The following MTSS1 variants were observed in gnomAD, a reference collection of about 807,000 sequenced individuals.
The protein encoded by MTSS1 is protein MTSS 1.
In MTSS1, 18 loss-of-function variants were observed where a neutral mutation model predicts 79.0. That is an observed-to-expected ratio of 0.23 (90% confidence interval 0.16 to 0.34). The LOEUF (loss-of-function observed/expected upper bound fraction) is 0.34, where lower values mean the gene tolerates loss of function less well. Ranked by LOEUF, MTSS1 falls within the 10% of genes least tolerant of loss-of-function variation. The pLI, the probability that MTSS1 is intolerant of heterozygous loss-of-function variation, is 1.00. For synonymous variants in MTSS1, 341 were observed against 368.6 expected, an observed-to-expected ratio of 0.93 and a Z score of 0.86; for missense variants, 815 against 986.2, an observed-to-expected ratio of 0.83 and a Z score of 2.33.
In MTSS1 at chr8:124,555,718, TGCACACCCCAG is replaced by T; in HGVS notation, c.1567+13_1567+23del. The T allele has an allele frequency of 6.3e-7, 1 of 1,576,644 alleles. No individual in the cohort carries two copies. Among genetic ancestry groups the T allele is most frequent in the Non-Finnish European group, 8.6e-7 (1 of 1,161,452 alleles). On this transcript the variant is annotated intron_variant, in intron 13 of 13. Coordinates refer to ENST00000518547, the MANE Select transcript of MTSS1 (RefSeq NM_014751.6). The stretch of plus-strand genomic sequence containing the variant: ...CCTGGTGCTGCTCAGAAAGCCTAAG[TGCACACCCCAG>T]GCTGCCTCGTACCTTGGGAAGGGAT...
chr8:124,699,501 T>G, intron 3 of MTSS1, 25 bp downstream of exon 3: 1 of 1,611,590 alleles, frequency 6.2e-7, no homozygotes, highest in Non-Finnish European at 8.5e-7. Context: ...CAGTTAACAC[T>G]GGGAGTCAGC....
intron 6 of MTSS1, among the ~76,000 whole-genome samples, chr8:124,574,786 T>C (rs1203680609): frequency 1.3e-5 from 2 of 152,206 alleles, no homozygotes; most frequent in African/African-American, 2.4e-5. Context: ...CCAAGTCCTT[T>C]CTTTCTTCGG....
At chr8:124,721,450 G>T (rs1346293288) in intron 1 of MTSS1, among the ~76,000 whole-genome samples, 1 of 121,892 alleles carries the variant, frequency 8.2e-6, no homozygotes. Flanking sequence ...TCATTCTGTC[G>T]CCAGGCTGGA....
Position 124,626,803 on chromosome 8 carries a change from A to C in MTSS1, c.209-35568T>G, listed in dbSNP as rs116045538. 2.6e-5 allele frequency among the ~76,000 whole-genome samples: 4 copies of C among 152,256 alleles called. No individual in the cohort carries two copies. The South Asian group carries it at 8.3e-4, about 32-fold the overall frequency. ...GGTTTCTTCCTAGGGGCATCACACC[A>C]GCCTCTACTGCAACAGACAAAAGGA... On this transcript the variant is annotated intron_variant, in intron 3 of 13. Coordinates refer to ENST00000518547, the MANE Select transcript of MTSS1 (RefSeq NM_014751.6).
intron 3 of MTSS1, among the ~76,000 whole-genome samples, chr8:124,670,590 A>G (rs1823972139): frequency 6.6e-6 from 1 of 152,270 alleles, no homozygotes; most frequent in Admixed American, 6.5e-5. Flanking sequence ...CATTTCAGCA[A>G]CATGACTAAA....
At chr8:124,624,722 C>G (rs1156652827) in intron 3 of MTSS1, among the ~76,000 whole-genome samples, 1 of 152,226 alleles carries the variant, frequency 6.6e-6, no homozygotes, top group African/African-American at 2.4e-5. Flanking sequence ...AAATAAATGT[C>G]TGTTCAGATG....
In MTSS1 at chr8:124,569,778, G is replaced by T. The variant is rs928623449; in HGVS notation, c.461-1242C>A. Reference sequence around the variant, plus strand: ...GAGCTGGAAGGGGTTATCCAATTGGGCCAATCTGCTCATGTTTCAATGGAG... The same window carrying T: ...GAGCTGGAAGGGGTTATCCAATTGGTCCAATCTGCTCATGTTTCAATGGAG... On this transcript the variant is annotated intron_variant, in intron 6 of 13. Transcript: ENST00000518547. Among the ~76,000 whole-genome samples the T allele has an allele frequency of 1.2e-4, 18 of 152,298 alleles. No homozygotes were observed. In the South Asian group the frequency reaches 1.7e-3, roughly 14 times the overall value.
Position 124,585,483 on chromosome 8 carries a change from C to T in MTSS1, c.386-322G>A, listed in dbSNP as rs193091127. Among the ~76,000 whole-genome samples, 1,037 of 151,792 alleles carry T rather than the reference C, an allele frequency of 6.8e-3. 6 individuals are homozygous for T. Among genetic ancestry groups the T allele is most frequent in the African/African-American group, 0.014 (589 of 41,364 alleles). On this transcript the variant is annotated intron_variant, in intron 5 of 13. Coordinates refer to ENST00000518547, the MANE Select transcript of MTSS1 (RefSeq NM_014751.6). ...AGGCTGGAGTGCAGTGGCATGATCT[C>T]GGCTCACTGCCACCTCCACCTCCCG...
intron 3 of MTSS1, among the ~76,000 whole-genome samples, chr8:124,592,693 A>T (rs1321850625): frequency 6.6e-6 from 1 of 152,200 alleles, no homozygotes; most frequent in Non-Finnish European, 1.5e-5. Context: ...TTCAGTCTGA[A>T]GAGAGAAACC....
At chr8:124,639,726 A>T (rs1817677957) in intron 3 of MTSS1, among the ~76,000 whole-genome samples, 1 of 152,178 alleles carries the variant, frequency 6.6e-6, no homozygotes, top group African/African-American at 2.4e-5. Flanking sequence ...GACCTCCCAA[A>T]GTGCTGGGAT....
chr8:124,626,719 G>A (rs1229064994), intron 3 of MTSS1, among the ~76,000 whole-genome samples: 1 of 151,986 alleles, frequency 6.6e-6, no homozygotes, highest in African/African-American at 2.4e-5. Flanking sequence ...AAATGATTAC[G>A]GTGCAGTGAG....
At chr8:124,681,728 C>A (rs1472213778) in intron 3 of MTSS1, among the ~76,000 whole-genome samples, 1 of 152,118 alleles carries the variant, frequency 6.6e-6, no homozygotes, top group African/African-American at 2.4e-5. Context: ...GCAGAGGTTG[C>A]AGTGAGCCGA....
chr8:124,686,133 G>A (rs1430989880), intron 3 of MTSS1, among the ~76,000 whole-genome samples: 2 of 152,126 alleles, frequency 1.3e-5, no homozygotes, highest in African/African-American at 4.8e-5. Context: ...CATAGACAAC[G>A]AAACTCAGGT....
chr8:124,554,451 A>G (rs72714712), intron 13 of MTSS1, among the ~76,000 whole-genome samples: 12,926 of 152,180 alleles, frequency 0.085, 841 homozygotes, highest in South Asian at 0.29. Context: ...ACATTGCCAG[A>G]TGTCCCCTGG....
chr8:124,584,747 A>G (rs80149165), intron 6 of MTSS1, among the ~76,000 whole-genome samples: 11,630 of 152,270 alleles, frequency 0.076, 608 homozygotes, highest in Non-Finnish European at 0.11. Context: ...AATTTCTGTA[A>G]TAATTACTAG....
At chr8:124,687,258 A>G (rs1300488325) in intron 3 of MTSS1, among the ~76,000 whole-genome samples, 1 of 152,154 alleles carries the variant, frequency 6.6e-6, no homozygotes, top group Non-Finnish European at 1.5e-5. Context: ...GATCACTGTC[A>G]TCTCCCACAC....
chr8:124,634,173 T>A (rs1467456189), intron 3 of MTSS1, among the ~76,000 whole-genome samples: 1 of 151,646 alleles, frequency 6.6e-6, no homozygotes, highest in African/African-American at 2.4e-5. Flanking sequence ...AGTGATGTAA[T>A]CATGGCTGTC....
intron 3 of MTSS1, among the ~76,000 whole-genome samples, chr8:124,674,328 T>C (rs982907419): frequency 2.6e-5 from 4 of 152,084 alleles, no homozygotes; most frequent in African/African-American, 9.7e-5. Flanking sequence ...ACTTCAATTA[T>C]AAAAAACACT....
At chr8:124,567,566 T>G in intron 7 of MTSS1, 1 of 1,326,112 alleles carries the variant, frequency 7.5e-7, no homozygotes, top group East Asian at 2.7e-5. Flanking sequence ...GACTTGGATA[T>G]ATTTTGGTCC....
Sources: gnomAD v4.1 joint callset for allele counts (sites outside exome capture counted in the v4.1 genomes callset) on GRCh38, gnomAD v4.1.1 for gene constraint, MANE v1.5 for transcripts, NCBI Gene and HGNC (gene_info 2026-07-23, HGNC 2026-07-21) for gene names.